RBP4: variants seen among roughly 807,000 people sequenced by gnomAD.
RBP4 encodes the protein retinol binding protein 4.
In RBP4, 9 loss-of-function variants were observed where a neutral mutation model predicts 26.2. That is an observed-to-expected ratio of 0.34 (90% confidence interval 0.21 to 0.60). The LOEUF is 0.60. RBP4 is among the 20% of genes least tolerant of loss of function. The probability of loss-of-function intolerance (pLI) is 0.80; values close to 1 mark genes in which losing one functional copy is unlikely to be tolerated. For missense variants in RBP4, 244 were observed against 271.3 expected (o/e 0.90, Z 0.71); for synonymous variants, 114 against 111.0 (o/e 1.03, Z -0.17).
chr10:93,591,933 G>A lies in RBP4; in HGVS notation c.*142C>T, dbSNP rs900995716. On this transcript the variant is annotated 3_prime_UTR_variant, in exon 6 of 6. Transcript: ENST00000371464. ...GGCAAGCAGATTCACTGACCCCCAC[G>A]TGTATCTTTATGTGTAATGAAGGTT... The A allele has an allele frequency of 4.1e-6, 3 of 737,932 alleles. No individual in the cohort carries two copies. Among genetic ancestry groups the A allele is most frequent in the South Asian group, 1.6e-5 (1 of 62,192 alleles). 45.7% of individuals were successfully genotyped at this position (737,932 alleles called of 1,614,324 possible).
rs1454300029 is a variant in RBP4 at position 93,600,723 on chromosome 10, G to C, written c.192C>G (p.Ser64=). Residue 64 remains serine, a synonymous_variant, in exon 3 of 6, where the codon TCC becomes TCG. Coordinates refer to ENST00000371464, the MANE Select transcript of RBP4 (RefSeq NM_006744.4). The part of the protein sequence containing the change: ...FLQDNIVAEF[S]VDETGQMSAT... The stretch of plus-strand genomic sequence containing the variant: ...CGCTCATCTGGCCGGTCTCGTCCAC[G>C]GAGAACTCCGCGACGATGTTGTCCT... 1.9e-6 allele frequency: 3 copies of C among 1,610,674 alleles called. No individual in the cohort carries two copies. The highest frequency in any genetic ancestry group is 2.5e-6 in the Non-Finnish European group (3 of 1,178,716).
intron 5 of RBP4, among the ~76,000 whole-genome samples, chr10:93,592,416 A>G (rs13376835): frequency 0.23 from 35,369 of 152,064 alleles, 4,755 homozygotes; most frequent in African/African-American, 0.36. Context: ...AAAGTGTCGG[A>G]GGCCACCCTC....
At chr10:93,592,258 T>C (rs1195572092) in intron 5 of RBP4, 146 bp from the exon 6 acceptor site, 2 of 736,882 alleles carry the variant, frequency 2.7e-6, no homozygotes, top group Middle Eastern at 2.3e-4. Flanking sequence ...CCCTTACGGA[T>C]ACAGGTGGCT....
At chr10:93,600,291 G>C (rs948523692) in intron 4 of RBP4, 102 bp downstream of exon 4, 25 of 1,030,340 alleles carry the variant, frequency 2.4e-5, no homozygotes, top group Admixed American at 2.2e-4. Flanking sequence ...CCTTTCCGCA[G>C]GCCATTCTTC....
At position 93,600,918 on chromosome 10, in the gene RBP4, G is replaced by C; in HGVS notation, c.111C>G (p.Arg37=). ...FRVKENFDKA[R]FSGTWYAMAK... ...CTGGGCCCCCTGGGCCGATACCTAC[G>C]CGAGCCTTGTCGAAGTTCTCCTTGA... The change falls in exon 2 of 6, where the codon CGC becomes CGG. Residue 37 remains arginine, a splice_region_variant and synonymous_variant. Transcript: ENST00000371464. 1 of 1,612,396 alleles carries C rather than the reference G, an allele frequency of 6.2e-7. No individual in the cohort carries two copies. The highest frequency in any genetic ancestry group is 8.5e-7 in the Non-Finnish European group (1 of 1,179,746).
chr10:93,596,438 G>A (rs1289812699), intron 4 of RBP4, among the ~76,000 whole-genome samples: 1 of 152,154 alleles, frequency 6.6e-6, no homozygotes, highest in Non-Finnish European at 1.5e-5. Flanking sequence ...TGCAAGAGAT[G>A]AACTGCCAGA....
chr10:93,591,979 T>C lies in RBP4; in HGVS notation c.*96A>G. ...AGGTTTTATGGGAACTGAGGGAAGA[T>C]GGGGAGAGAAGGGCAAATTAAACTC... On this transcript the variant is annotated 3_prime_UTR_variant, in exon 6 of 6. Transcript: ENST00000371464. 15 of 1,016,956 alleles carry C rather than the reference T, an allele frequency of 1.5e-5. 1 individual carries two copies. The highest frequency in any genetic ancestry group is 4.4e-4 in the Middle Eastern group (2 of 4,514). 63.0% of individuals were successfully genotyped at this position (1,016,956 alleles called of 1,614,324 possible). A position where few individuals can be genotyped will look rare whatever the true frequency, so the allele number is the denominator to read the frequency against.
At chr10:93,601,127 C>T (rs1336133142) in intron 1 of RBP4, 44 bp downstream of exon 1, 54 of 1,490,868 alleles carry the variant, frequency 3.6e-5, no homozygotes, top group Non-Finnish European at 4.6e-5. Flanking sequence ...CACCCCACCC[C>T]GGCCCATCCC....
In RBP4 at chr10:93,600,793, G is replaced by A. The variant is rs367834906; in HGVS notation, c.122C>T (p.Thr41Ile). ...ENFDKARFSG[T>I]WYAMAKKDPE... ...GTCCTTCTTGGCCATGGCGTACCAGGTCCCAGAGAACTGTGAGAAGGATGA... is the reference window on the plus strand; with the variant it reads ...GTCCTTCTTGGCCATGGCGTACCAGATCCCAGAGAACTGTGAGAAGGATGA... Residue 41 changes from threonine to isoleucine, a missense_variant, in exon 3 of 6, where the codon ACC becomes ATC. Coordinates refer to ENST00000371464, the MANE Select transcript of RBP4 (RefSeq NM_006744.4). 19 of 1,611,050 alleles carry A rather than the reference G, an allele frequency of 1.2e-5. No homozygotes were observed. The African/African-American group carries it at 1.6e-4, about 14-fold the overall frequency.
rs559772068 is a variant in RBP4, at chr10:93,593,597, C to T, written c.568+226G>A. Among the ~76,000 whole-genome samples the T allele has an allele frequency of 2.8e-4, 43 of 152,212 alleles. No homozygotes were observed. The South Asian group carries it at 5.8e-3, about 21-fold the overall frequency. On this transcript the variant is annotated intron_variant, in intron 5 of 5. Coordinates refer to ENST00000371464, the MANE Select transcript of RBP4 (RefSeq NM_006744.4). Reference sequence around the variant, plus strand: ...AAGAGAGCCCACGGCAGTGTTAGTGCCAGTGAACTGGACAAAGGCCTTTAC... The same window carrying T: ...AAGAGAGCCCACGGCAGTGTTAGTGTCAGTGAACTGGACAAAGGCCTTTAC...
intron 1 of RBP4, 34 bp from the exon 2 acceptor site, chr10:93,601,080 G>A (rs1294079980): frequency 1.9e-6 from 3 of 1,586,628 alleles, no homozygotes; most frequent in Non-Finnish European, 2.6e-6. Context: ...GTGCCCGGCA[G>A]CCGACCCCCG....
intron 4 of RBP4, among the ~76,000 whole-genome samples, chr10:93,597,089 T>C (rs569766080): frequency 1.5e-3 from 232 of 152,340 alleles, no homozygotes; most frequent in African/African-American, 5.1e-3. Context: ...AGGAGCATAC[T>C]TAAAATGCAG....
At chr10:93,592,971 C>T (rs1179979891) in intron 5 of RBP4, among the ~76,000 whole-genome samples, 2 of 152,154 alleles carry the variant, frequency 1.3e-5, no homozygotes, top group Admixed American at 6.5e-5. Context: ...GCGCATGCCA[C>T]CACGCCTGGC....
In RBP4 at chr10:93,601,060, G is replaced by A. The variant is rs370358940; in HGVS notation, c.-18-14C>T. 1 of 1,602,722 alleles carries A rather than the reference G, an allele frequency of 6.2e-7. No homozygotes were observed. The highest frequency in any genetic ancestry group is 1.7e-5 in the Admixed American group (1 of 59,960). On this transcript the variant is annotated splice_polypyrimidine_tract_variant and intron_variant, in intron 1 of 5. Coordinates refer to ENST00000371464, the MANE Select transcript of RBP4 (RefSeq NM_006744.4). Reference sequence around the variant, plus strand: ...CAGGAATCCGCCCTGCGGGAGACGCGCCTCCGTCAGTGCCCGGCAGCCGAC... The same window carrying A: ...CAGGAATCCGCCCTGCGGGAGACGCACCTCCGTCAGTGCCCGGCAGCCGAC...
At chr10:93,595,081 A>G (rs555682754) in intron 4 of RBP4, among the ~76,000 whole-genome samples, 2 of 152,144 alleles carry the variant, frequency 1.3e-5, no homozygotes, top group Non-Finnish European at 2.9e-5. Flanking sequence ...TCAAGGCTAC[A>G]ATGAGCTAGG....
Position 93,601,204 on chromosome 10 carries a change from CCGAGTCCGGGCG to C in RBP4, c.-64_-53del. On this transcript the variant is annotated 5_prime_UTR_variant, in exon 1 of 6. Coordinates refer to ENST00000371464, the MANE Select transcript of RBP4 (RefSeq NM_006744.4). ...GGGGAACCGCGCGCAAGCCTGGCCG[CCGAGTCCGGGCG>C]CGCGTGGAGCGAGGGAGGCGAGCGC... 3.7e-6 allele frequency: 5 copies of C among 1,334,934 alleles called. No homozygotes were observed. Among genetic ancestry groups the C allele is most frequent in the Non-Finnish European group, 4.8e-6 (5 of 1,051,534 alleles). 82.7% of individuals were successfully genotyped at this position (1,334,934 alleles called of 1,614,324 possible). A position where few individuals can be genotyped will look rare whatever the true frequency, so the allele number is the denominator to read the frequency against.
chr10:93,594,068 G>C, intron 4 of RBP4, 33 bp from the exon 5 acceptor site: 1 of 1,599,030 alleles, frequency 6.3e-7, no homozygotes, highest in East Asian at 2.2e-5. Context: ...GCCGATCAAT[G>C]CCTTTCCCTC....
In RBP4 at chr10:93,600,996, C is replaced by T. The variant is rs2058334359; in HGVS notation, c.33G>A (p.Ala11=). The T allele has an allele frequency of 6.2e-7, 1 of 1,612,044 alleles. No individual in the cohort carries two copies. The highest frequency in any genetic ancestry group is 1.7e-5 in the Admixed American group (1 of 59,984). Residue 11 remains alanine (A), a synonymous_variant, in exon 2 of 6, where the codon GCG becomes GCA. Coordinates refer to ENST00000371464, the MANE Select transcript of RBP4 (RefSeq NM_006744.4). ...GCTCCGCGCGGCCGCTGCCCAGCGCCGCCAACAGCAAGAGCGCCCACACCC... is the reference window on the plus strand; with the variant it reads ...GCTCCGCGCGGCCGCTGCCCAGCGCTGCCAACAGCAAGAGCGCCCACACCC... MKWVWALLLL[A]ALGSGRAERD...
intron 4 of RBP4, among the ~76,000 whole-genome samples, chr10:93,596,451 A>C (rs1348525254): frequency 2.0e-5 from 3 of 152,200 alleles, no homozygotes; most frequent in Non-Finnish European, 4.4e-5. Context: ...CTGCCAGAGC[A>C]CTGCGAGAAT....
Sources: allele counts gnomAD v4.1 joint callset (sites outside exome capture counted in the v4.1 genomes callset), GRCh38; gene constraint gnomAD v4.1.1; transcripts MANE v1.5; gene names NCBI Gene and HGNC (gene_info 2026-07-23, HGNC 2026-07-21).